The following MTHFD2L variants were observed in gnomAD, a reference collection of about 807,000 sequenced individuals.
The protein encoded by MTHFD2L is methylenetetrahydrofolate dehydrogenase (NADP+ dependent) 2 like, also known as bifunctional methylenetetrahydrofolate dehydrogenase/cyclohydrolase 2, mitochondrial.
A neutral mutation model predicts 34.9 loss-of-function variants in MTHFD2L; 29 were observed. The ratio of observed to expected loss-of-function variants is 0.83; its 90% CI spans 0.62 to 1.13. The LOEUF is 1.13. Among genes scored for constraint, MTHFD2L ranks in the 50% most tolerant of loss-of-function variants. MTHFD2L has a pLI of 0.00. For missense variants in MTHFD2L, 481 were observed against 446.5 expected, an observed-to-expected ratio of 1.08 and a Z score of -0.70; for synonymous variants, 167 against 155.7, an observed-to-expected ratio of 1.07 and a Z score of -0.54.
In MTHFD2L at chr4:74,175,368, G is replaced by A. The variant is rs1392385492; in HGVS notation, c.416G>A (p.Arg139Lys). The change falls in exon 3 of 8, where the codon AGA becomes AAA. Residue 139 changes from arginine to lysine, a missense_variant. Transcript: ENST00000325278. The stretch of plus-strand genomic sequence containing the variant: ...ACTGATCAATTGAATATGGACCCAA[G>A]AGTCAGCGGTATATTAGTTCAGTTA... ...DVTDQLNMDP[R>K]VSGILVQLPL... 5 of 1,612,670 alleles carry A rather than the reference G, an allele frequency of 3.1e-6. 1 individual carries two copies. In the South Asian group the frequency reaches 3.3e-5, roughly 11 times the overall value.
intron 3 of MTHFD2L, among the ~76,000 whole-genome samples, chr4:74,186,438 G>GAAAAAAAAAAAAAAAAAAAAAAA (rs59325238): frequency 4.5e-5 from 4 of 88,198 alleles, no homozygotes; most frequent in Non-Finnish European, 8.2e-5. Context: ...GGGAATCCAT[G>GAAAAAAAAAAAAAAAAAAAAAAA]AAAAAAAAAA....
intron 1 of MTHFD2L, chr4:74,125,630 T>A (rs1722013084): frequency 6.6e-6 from 1 of 152,154 alleles, no homozygotes; most frequent in Non-Finnish European, 1.5e-5. Flanking sequence ...AATCTCACTT[T>A]TATTTATTTT....
intron 3 of MTHFD2L, among the ~76,000 whole-genome samples, chr4:74,182,257 G>A (rs558840290): frequency 6.6e-6 from 1 of 152,256 alleles, no homozygotes; most frequent in South Asian, 2.1e-4. Context: ...GAATGCTGTT[G>A]AAGAAATGAG....
chr4:74,150,236 A>G (rs1723847975), intron 1 of MTHFD2L, among the ~76,000 whole-genome samples: 1 of 152,180 alleles, frequency 6.6e-6, no homozygotes, highest in Non-Finnish European at 1.5e-5. Flanking sequence ...AAAGAAATGT[A>G]ACACCATAAG....
At chr4:74,139,460 A>C (rs1229382941) in intron 1 of MTHFD2L, among the ~76,000 whole-genome samples, 5 of 152,130 alleles carry the variant, frequency 3.3e-5, no homozygotes, top group Non-Finnish European at 7.3e-5. Flanking sequence ...CCCTTCAGAC[A>C]CTTGTGATGC....
chr4:74,131,902 A>T (rs1722535623), intron 1 of MTHFD2L, among the ~76,000 whole-genome samples: 1 of 152,174 alleles, frequency 6.6e-6, no homozygotes, highest in African/African-American at 2.4e-5. Context: ...ACAAACAAAC[A>T]TGCCCATCAA....
At chr4:74,157,866 C>A (rs1724439098), upstream of MTHFD2L, 2 of 630,820 alleles carry the variant, frequency 3.2e-6, no homozygotes, top group Non-Finnish European at 5.9e-6. Context: ...GGGTGCGGGG[C>A]CCAGTCGCCA....
chr4:74,204,420 G>A (rs1734959321), intron 5 of MTHFD2L, among the ~76,000 whole-genome samples: 1 of 152,088 alleles, frequency 6.6e-6, no homozygotes, highest in Non-Finnish European at 1.5e-5. Context: ...TAACTATCAT[G>A]TGTGAAGTAA....
At chr4:74,252,143 C>G (rs1003446901) in intron 6 of MTHFD2L, among the ~76,000 whole-genome samples, 1 of 152,234 alleles carries the variant, frequency 6.6e-6, no homozygotes, top group Non-Finnish European at 1.5e-5. Context: ...GGAATAGCAG[C>G]ACCTTCTGCC....
upstream of MTHFD2L, chr4:74,156,501 A>T (rs981170561): frequency 1.3e-5 from 2 of 152,234 alleles, no homozygotes; most frequent in African/African-American, 4.8e-5. Flanking sequence ...GAGAATATGA[A>T]TAAAGATGCT....
At chr4:74,208,519 G>A (rs1466138372) in intron 5 of MTHFD2L, among the ~76,000 whole-genome samples, 1 of 152,120 alleles carries the variant, frequency 6.6e-6, no homozygotes, top group Non-Finnish European at 1.5e-5. Flanking sequence ...TCATAGTGTT[G>A]TAGGACATTT....
At chr4:74,159,414 TGAG>T (rs1303301221) in intron 1 of MTHFD2L, among the ~76,000 whole-genome samples, 2 of 152,206 alleles carry the variant, frequency 1.3e-5, no homozygotes, top group African/African-American at 4.8e-5. Context: ...TTTAAAGAAT[TGAG>T]GAAATTATTT....
chr4:74,151,274 A>G (rs1723924491), intron 1 of MTHFD2L, among the ~76,000 whole-genome samples: 1 of 152,216 alleles, frequency 6.6e-6, no homozygotes. Flanking sequence ...TTTCAATAGA[A>G]TCCACCATTC....
intron 3 of MTHFD2L, among the ~76,000 whole-genome samples, chr4:74,197,121 G>A (rs1037054602): frequency 1.3e-5 from 2 of 152,040 alleles, no homozygotes; most frequent in African/African-American, 4.8e-5. Context: ...TAGAAGGGGG[G>A]AAAACACAAA....
chr4:74,177,556 G>GAT (rs1304704547), intron 3 of MTHFD2L, among the ~76,000 whole-genome samples: 6 of 151,866 alleles, frequency 4.0e-5, no homozygotes, highest in Non-Finnish European at 8.8e-5. Context: ...ACCACAATGA[G>GAT]ATATCACCTC....
chr4:74,238,484 A>C (rs1020017592), intron 6 of MTHFD2L, among the ~76,000 whole-genome samples: 1 of 152,232 alleles, frequency 6.6e-6, no homozygotes, highest in African/African-American at 2.4e-5. Context: ...ACAAAAGCCA[A>C]AAGAGACAAA....
chr4:74,248,270 A>G (rs1338246794), intron 6 of MTHFD2L, among the ~76,000 whole-genome samples: 1 of 152,138 alleles, frequency 6.6e-6, no homozygotes, highest in Non-Finnish European at 1.5e-5. Context: ...ATTTGCATAG[A>G]GGTGTTTGTA....
upstream of MTHFD2L, chr4:74,157,982 C>T: frequency 8.5e-7 from 1 of 1,173,622 alleles, no homozygotes; most frequent in Non-Finnish European, 1.2e-6. Flanking sequence ...GTCCTGGGAA[C>T]CGCTCTTTAC....
chr4:74,238,238 G>A (rs1741141274), intron 6 of MTHFD2L, among the ~76,000 whole-genome samples: 1 of 152,130 alleles, frequency 6.6e-6, no homozygotes, highest in Admixed American at 6.5e-5. Context: ...CTTTAGGTGT[G>A]GCTTTGGTTC....
Sources: gnomAD v4.1 joint callset for allele counts (sites outside exome capture counted in the v4.1 genomes callset) on GRCh38, gnomAD v4.1.1 for gene constraint, MANE v1.5 for transcripts, NCBI Gene and HGNC (gene_info 2026-07-23, HGNC 2026-07-21) for gene names.